Variants in AANAT observed in about 807,000 individuals in gnomAD.
The protein encoded by AANAT is serotonin N-acetyltransferase.
In AANAT, 11 loss-of-function variants were observed where a neutral mutation model predicts 15.6. The ratio of observed to expected loss-of-function variants is 0.71; its 90% CI spans 0.44 to 1.17. AANAT has a LOEUF of 1.17. Ranked by LOEUF, AANAT falls within the 50% of genes most tolerant of loss-of-function variation. The pLI is 0.00. For missense variants in AANAT, 286 were observed against 296.3 expected (o/e 0.97, Z 0.26); for synonymous variants, 139 against 131.5 (o/e 1.06, Z -0.39).
intron 2 of AANAT, among the ~76,000 whole-genome samples, chr17:76,460,938 G>A (rs2073382469): frequency 6.6e-6 from 1 of 152,152 alleles, no homozygotes; most frequent in African/African-American, 2.4e-5. Flanking sequence ...GCTGAGGGGG[G>A]CAGATTGTTT....
At chr17:76,466,362 G>A (rs2073437976), upstream of AANAT, 1 of 614,924 alleles carries the variant, frequency 1.6e-6, no homozygotes. Flanking sequence ...AGTGCAGAGG[G>A]GCCCTGGGAG....
chr17:76,459,792 A>AAT (rs2073370062), intron 2 of AANAT, among the ~76,000 whole-genome samples: 1 of 152,234 alleles, frequency 6.6e-6, no homozygotes, highest in South Asian at 2.1e-4. Context: ...TGACCAACTG[A>AAT]ATATAACGTG....
upstream of AANAT, chr17:76,466,300 C>T (rs2073437558): frequency 3.9e-6 from 5 of 1,290,750 alleles, no homozygotes; most frequent in East Asian, 3.2e-5. Flanking sequence ...GGTCTCTGGT[C>T]GGTCCTGAGA....
Position 76,469,347 on chromosome 17 carries a change from G to C in AANAT, c.318+20G>C. The stretch of plus-strand genomic sequence containing the variant: ...ATGCAGGTGAGGACAGGGCTGCGAC[G>C]CCCAGCTCCAGGGAGGCCTCTGAAG... On this transcript the variant is annotated intron_variant, in intron 3 of 3. Coordinates refer to ENST00000392492, the MANE Select transcript of AANAT (RefSeq NM_001088.3). The surrounding 1 kb of genome is among the most constrained non-coding windows in gnomAD (Gnocchi z 5.2). 1.2e-6 allele frequency: 2 copies of C among 1,613,022 alleles called. No homozygotes were observed. Among genetic ancestry groups the C allele is most frequent in the Non-Finnish European group, 8.5e-7 (1 of 1,179,660 alleles).
rs777893542 is a variant in AANAT at position 76,469,221 on chromosome 17, G to A, written c.212G>A (p.Arg71Gln). 2.7e-5 allele frequency: 43 copies of A among 1,614,044 alleles called. No homozygotes were observed. In the Admixed American group the frequency reaches 4.3e-4, roughly 16 times the overall value. ...TGCCCCCTGTACCTGGATGAGATCC[G>A]GCACTTCCTGACCCTATGTCCAGAG... ...GVCPLYLDEI[R>Q]HFLTLCPELS... Residue 71 changes from arginine (R) to glutamine (Q), a missense_variant, in exon 3 of 4, where the codon CGG (arginine) becomes CAG (glutamine). Coordinates refer to ENST00000392492, the MANE Select transcript of AANAT (RefSeq NM_001088.3). The surrounding 1 kb of genome is among the most constrained non-coding windows in gnomAD (Gnocchi z 5.2).
chr17:76,464,691 C>CCGTGCCCGGCCTTGCCCATCAGGTTAG, upstream of AANAT, among the ~76,000 whole-genome samples: 1 of 152,026 alleles, frequency 6.6e-6, no homozygotes, highest in East Asian at 1.9e-4. Context: ...GCATGAGCCA[C>CCGTGCCCGGCCTTGCCCATCAGGTTAG]GACGTCAAGC....
upstream of AANAT, among the ~76,000 whole-genome samples, chr17:76,463,884 A>G (rs2073412798): frequency 1.3e-5 from 2 of 152,128 alleles, no homozygotes; most frequent in African/African-American, 4.8e-5. Flanking sequence ...TATCCGCTCA[A>G]TAACTGTCGT....
upstream of AANAT, among the ~76,000 whole-genome samples, chr17:76,464,826 ACT>A (rs1268576321): frequency 6.8e-6 from 1 of 146,092 alleles, no homozygotes; most frequent in Admixed American, 6.9e-5. Flanking sequence ...TAGCAGTTTC[ACT>A]CTTTTTGCCC....
intron 1 of AANAT, among the ~76,000 whole-genome samples, chr17:76,457,608 G>T (rs902544533): frequency 3.9e-5 from 6 of 152,190 alleles, no homozygotes. Context: ...CCAGGTTGGA[G>T]GTAAGACTCC....
At position 76,455,629 on chromosome 17, in the gene AANAT, G is replaced by A. The variant is rs992773149; in HGVS notation, c.-576+1847G>A. On this transcript the variant is annotated intron_variant, in intron 1 of 6. Coordinates refer to the AANAT transcript ENST00000250615. ...ACGATCATCAACGAAAGACTAGTAA[G>A]TTGGATATTACAGTATTTAGGTTCT... is the stretch of plus-strand genomic sequence containing the variant. 1.7e-4 allele frequency among the ~76,000 whole-genome samples: 17 copies of A among 98,996 alleles called. No homozygotes were observed. The Admixed American group carries it at 1.8e-3, about 10-fold the overall frequency. 64.9% of individuals were successfully genotyped at this position (98,996 alleles called of 152,430 possible). A position where few individuals can be genotyped will look rare whatever the true frequency, so the allele number is the denominator to read the frequency against.
At chr17:76,461,935 T>G (rs1290926960) in intron 2 of AANAT, among the ~76,000 whole-genome samples, 3 of 152,138 alleles carry the variant, frequency 2.0e-5, no homozygotes, top group Admixed American at 1.3e-4. Flanking sequence ...TTCCCAACCT[T>G]AATGAGTCAG....
chr17:76,469,398 G>A lies in AANAT; in HGVS notation c.318+71G>A. 6.3e-7 allele frequency: 1 copy of A among 1,579,674 alleles called. No homozygotes were observed. The highest frequency in any genetic ancestry group is 1.3e-5 in the African/African-American group (1 of 74,424). On this transcript the variant is annotated intron_variant, in intron 3 of 3. Transcript: ENST00000392492. This position sits in a 1 kb window ranked among gnomAD's most constrained non-coding sequence, Gnocchi z 5.2. The stretch of plus-strand genomic sequence containing the variant: ...ACAGAGGTCAGCCAGATGGCGGGGA[G>A]GGGAGCCCAGGGGCTGGGATTTCTT...
chr17:76,461,342 T>A (rs2143966800), intron 2 of AANAT, among the ~76,000 whole-genome samples: 2 of 151,700 alleles, frequency 1.3e-5, no homozygotes, highest in South Asian at 4.2e-4. Context: ...CCCCATCACA[T>A]CCCTCTCCAA....
intron 1 of AANAT, among the ~76,000 whole-genome samples, chr17:76,468,011 C>T (rs1054587374): frequency 2.6e-5 from 4 of 152,018 alleles, no homozygotes; most frequent in Admixed American, 2.0e-4. Context: ...CTGCAGCCCC[C>T]GGCTCCCTCT....
chr17:76,467,850 G>C (rs1482906326), intron 1 of AANAT, 123 bp downstream of exon 1: 1 of 592,796 alleles, frequency 1.7e-6, no homozygotes, highest in Non-Finnish European at 2.1e-6. Context: ...GGAAGGTGGA[G>C]GGAGGGATGG....
At chr17:76,453,875 T>C (rs981849806) in intron 1 of AANAT, 1 of 152,150 alleles carries the variant, frequency 6.6e-6, no homozygotes, top group Non-Finnish European at 1.5e-5. Context: ...TGGCAAGAGG[T>C]AGTATAGTAA....
At chr17:76,454,706 C>T (rs578102907) in intron 1 of AANAT, among the ~76,000 whole-genome samples, 20 of 151,860 alleles carry the variant, frequency 1.3e-4, no homozygotes, top group African/African-American at 4.6e-4. Flanking sequence ...ACCTGTAGTC[C>T]CAGCTACTTG....
At chr17:76,455,223 G>T (rs927209967) in intron 1 of AANAT, among the ~76,000 whole-genome samples, 8 of 152,174 alleles carry the variant, frequency 5.3e-5, no homozygotes, top group Admixed American at 1.3e-4. Flanking sequence ...ATGCCAAGGT[G>T]GGTGGATCAG....
upstream of AANAT, among the ~76,000 whole-genome samples, chr17:76,466,446 A>C (rs901136863): frequency 6.6e-6 from 1 of 152,174 alleles, no homozygotes; most frequent in African/African-American, 2.4e-5. Context: ...CTCCACGGTC[A>C]GGGGCTGTGT....
Sources: allele counts gnomAD v4.1 joint callset (sites outside exome capture counted in the v4.1 genomes callset), GRCh38; gene constraint gnomAD v4.1.1; non-coding constraint Gnocchi (gnomAD v3.1); transcripts MANE v1.5; gene names NCBI Gene and HGNC (gene_info 2026-07-23, HGNC 2026-07-21).